Variants in AGBL4 observed in about 807,000 individuals in gnomAD.
AGBL4 encodes the protein AGBL carboxypeptidase 4.
Under a neutral mutation model 66.4 loss-of-function variants are expected in AGBL4, and 58 were observed. The observed-to-expected ratio is 0.87, with a 90% confidence interval of 0.71 to 1.09. AGBL4 has a LOEUF of 1.09. Among genes scored for constraint, AGBL4 ranks in the 50% least tolerant of loss-of-function variants. AGBL4 has a pLI of 0.00. For synonymous variants in AGBL4, 234 were observed against 222.9 expected (o/e 1.05, Z -0.44); for missense variants, 579 against 631.0 (o/e 0.92, Z 0.88).
intron 5 of AGBL4, among the ~76,000 whole-genome samples, chr1:48,888,859 C>A (rs986216971): frequency 1.3e-5 from 2 of 152,156 alleles, no homozygotes; most frequent in African/African-American, 4.8e-5. Context: ...GAATAAATAT[C>A]TATGAAAATA....
At chr1:48,702,279 T>C (rs1646814132) in intron 6 of AGBL4, among the ~76,000 whole-genome samples, 1 of 147,248 alleles carries the variant, frequency 6.8e-6, no homozygotes, top group East Asian at 2.0e-4. Flanking sequence ...TTCTTCTTTG[T>C]TTTTTTTTGT....
intron 6 of AGBL4, among the ~76,000 whole-genome samples, chr1:48,730,129 G>A (rs933249786): frequency 5.3e-5 from 8 of 152,060 alleles, no homozygotes; most frequent in Non-Finnish European, 7.4e-5. Flanking sequence ...CACCTGTCTC[G>A]GTTTTTCTCT....
At position 49,943,005 on chromosome 1, in the gene AGBL4, T is replaced by C. The variant is rs547295625; in HGVS notation, c.34+80758A>G. Among the ~76,000 whole-genome samples, 12 of 152,288 alleles carry C rather than the reference T, an allele frequency of 7.9e-5. No individual in the cohort carries two copies. In the South Asian group the frequency reaches 2.5e-3, roughly 32 times the overall value. On this transcript the variant is annotated intron_variant, in intron 1 of 13. Transcript: ENST00000371839. ...CCATTTTCAAAATGAGCCAAGGACC[T>C]GAATAGACATTTCTCTAAAGAAGTC... is the stretch of plus-strand genomic sequence containing the variant.
intron 4 of AGBL4, among the ~76,000 whole-genome samples, chr1:49,194,208 T>A (rs1200030179): frequency 6.6e-6 from 1 of 152,182 alleles, no homozygotes; most frequent in African/African-American, 2.4e-5. Flanking sequence ...ACTAGGTGCA[T>A]ATATACTTAG....
intron 3 of AGBL4, among the ~76,000 whole-genome samples, chr1:49,550,138 C>G (rs868322459): frequency 1.3e-5 from 2 of 152,192 alleles, no homozygotes; most frequent in Middle Eastern, 3.4e-3. Context: ...CATGAAATGC[C>G]TTTTTCCATC....
chr1:48,885,784 C>T (rs180773437), intron 5 of AGBL4, among the ~76,000 whole-genome samples: 13 of 152,232 alleles, frequency 8.5e-5, no homozygotes, highest in Non-Finnish European at 1.6e-4. Flanking sequence ...TGCACAGGGC[C>T]CACTGGCTGC....
intron 5 of AGBL4, among the ~76,000 whole-genome samples, chr1:49,037,025 C>T (rs1027187019): frequency 2.0e-5 from 3 of 151,278 alleles, no homozygotes; most frequent in African/African-American, 2.4e-5. Context: ...GTTTCTCGAA[C>T]GTTAAAAGAA....
At chr1:49,395,796 T>C (rs1187814331) in intron 3 of AGBL4, among the ~76,000 whole-genome samples, 1 of 135,278 alleles carries the variant, frequency 7.4e-6, no homozygotes, top group Non-Finnish European at 1.6e-5. Flanking sequence ...TATGTATATA[T>C]ATACATATAT....
intron 6 of AGBL4, among the ~76,000 whole-genome samples, chr1:48,766,349 C>T (rs1366215238): frequency 6.6e-6 from 1 of 152,172 alleles, no homozygotes; most frequent in African/African-American, 2.4e-5. Flanking sequence ...TAAACACATT[C>T]CTGGAACATG....
chr1:49,450,557 A>C (rs1646257519), intron 3 of AGBL4, among the ~76,000 whole-genome samples: 1 of 152,112 alleles, frequency 6.6e-6, no homozygotes. Context: ...TTATTCATTC[A>C]ACATACAGTT....
chr1:49,025,347 G>A (rs1463740082), intron 5 of AGBL4, among the ~76,000 whole-genome samples: 1 of 152,136 alleles, frequency 6.6e-6, no homozygotes, highest in Non-Finnish European at 1.5e-5. Flanking sequence ...CTCCAGCACA[G>A]AAAGAGAGAG....
chr1:49,039,002 T>A (rs768259737), intron 5 of AGBL4, among the ~76,000 whole-genome samples: 5 of 152,122 alleles, frequency 3.3e-5, no homozygotes, highest in Non-Finnish European at 5.9e-5. Flanking sequence ...GACAATGGAC[T>A]CTTATTCAGT....
At chr1:49,817,742 G>C (rs955912051) in intron 2 of AGBL4, among the ~76,000 whole-genome samples, 1 of 152,110 alleles carries the variant, frequency 6.6e-6, no homozygotes, top group Non-Finnish European at 1.5e-5. Flanking sequence ...ATATGTAAAA[G>C]GCTAACATCT....
intron 1 of AGBL4, among the ~76,000 whole-genome samples, chr1:49,937,854 T>A (rs1654262495): frequency 6.6e-6 from 1 of 150,558 alleles, no homozygotes; most frequent in South Asian, 2.1e-4. Flanking sequence ...TGTAGAGGGA[T>A]TATACATTTA....
At chr1:49,279,947 A>G (rs1644242596) in intron 3 of AGBL4, among the ~76,000 whole-genome samples, 1 of 152,228 alleles carries the variant, frequency 6.6e-6, no homozygotes, top group Non-Finnish European at 1.5e-5. Flanking sequence ...GCTAAAGCAT[A>G]ACTATAATAG....
chr1:49,829,775 AC>A (rs1386909409), intron 2 of AGBL4, among the ~76,000 whole-genome samples: 1 of 151,344 alleles, frequency 6.6e-6, no homozygotes, highest in Non-Finnish European at 1.5e-5. Context: ...CTAGGCCCAC[AC>A]CCCCTCAACA....
chr1:49,073,506 C>T (rs1005548829), intron 4 of AGBL4, among the ~76,000 whole-genome samples: 5 of 152,168 alleles, frequency 3.3e-5, no homozygotes, highest in Admixed American at 1.3e-4. Flanking sequence ...CAGTCAGGCT[C>T]CTCAGCTGCA....
chr1:48,800,861 A>G (rs1645790315), intron 6 of AGBL4, among the ~76,000 whole-genome samples: 1 of 152,180 alleles, frequency 6.6e-6, no homozygotes, highest in African/African-American at 2.4e-5. Flanking sequence ...ATGAATGCAT[A>G]AGGCCATAAA....
intron 6 of AGBL4, among the ~76,000 whole-genome samples, chr1:48,706,674 G>C (rs1646885263): frequency 6.6e-6 from 1 of 152,140 alleles, no homozygotes; most frequent in Non-Finnish European, 1.5e-5. Flanking sequence ...TTAGAAAACA[G>C]AAAAATAGTA....
Sources: allele counts gnomAD v4.1 joint callset (sites outside exome capture counted in the v4.1 genomes callset), GRCh38; gene constraint gnomAD v4.1.1; transcripts MANE v1.5; gene names NCBI Gene and HGNC (gene_info 2026-07-23, HGNC 2026-07-21).